Variants in SYNE1 observed in about 807,000 individuals in gnomAD.
SYNE1 encodes the protein spectrin repeat containing nuclear envelope protein 1.
In SYNE1, 616 loss-of-function variants were observed where a neutral mutation model predicts 1,111.0. The observed-to-expected ratio is 0.55, with a 90% CI of 0.52 to 0.59. The LOEUF is 0.59. SYNE1 is among the 20% of genes least tolerant of loss of function. The pLI is 0.00. For synonymous variants in SYNE1, 3,855 were observed against 3,825.8 expected (o/e 1.01, Z -0.28); for missense variants, 10,006 against 10,417.0 (o/e 0.96, Z 1.72).
chr6:152,555,993 C>A (rs924392551), intron 3 of SYNE1, among the ~76,000 whole-genome samples: 1 of 152,116 alleles, frequency 6.6e-6, no homozygotes, highest in East Asian at 1.9e-4. Flanking sequence ...CAGAGGCAAA[C>A]TTGAGTGCAT....
chr6:152,416,425 C>T lies in SYNE1; in HGVS notation c.6012G>A (p.Glu2004=), dbSNP rs779398270. The change falls in exon 41 of 146, where the codon GAG becomes GAA. Residue 2004 remains glutamate, a synonymous_variant. Transcript: ENST00000367255. ...IEDIEERTDK[E]RLKEPTRQAL... is the part of the protein sequence containing the mutation. ...CTTGGCGGGTAGGTTCTTTCAATCG[C>T]TCTTTGTCAGTCCTTTCTTCAATGT... The T allele has an allele frequency of 3.7e-6, 6 of 1,614,160 alleles. No individual in the cohort carries two copies. Among genetic ancestry groups the T allele is most frequent in the Non-Finnish European group, 4.2e-6 (5 of 1,180,040 alleles).
Position 152,455,836 on chromosome 6 carries a change from ACT to A in SYNE1, c.2727+48_2727+49del, listed in dbSNP as rs748337606. 9 of 1,612,742 alleles carry A rather than the reference ACT, an allele frequency of 5.6e-6. No homozygotes were observed. The Admixed American group carries it at 1.5e-4, about 27-fold the overall frequency. On this transcript the variant is annotated intron_variant, in intron 23 of 145. Transcript: ENST00000367255. The stretch of plus-strand genomic sequence containing the variant: ...GCACGAGTGATGGTTTCTTGTCCTC[ACT>A]CTGCATTTTCCCTGGCTCACAGCTC...
rs577421230 is a variant in SYNE1 at position 152,572,493 on chromosome 6, G to T, written c.68-32472C>A. Among the ~76,000 whole-genome samples the T allele has an allele frequency of 2.0e-5, 3 of 152,096 alleles. No homozygotes were observed. In the South Asian group the frequency reaches 6.2e-4, roughly 32 times the overall value. On this transcript the variant is annotated intron_variant, in intron 3 of 145. Coordinates refer to ENST00000367255, the MANE Select transcript of SYNE1 (RefSeq NM_182961.4). ...TTCAAAGCCAATAAACAGAATAAGG[G>T]GACTCCCAGAATAATAGATTTCTAG... is the stretch of plus-strand genomic sequence containing the variant.
intron 12 of SYNE1, among the ~76,000 whole-genome samples, chr6:152,487,442 T>G (rs978852563): frequency 1.3e-5 from 2 of 152,214 alleles, no homozygotes; most frequent in African/African-American, 4.8e-5. Flanking sequence ...ATTTCTCCAG[T>G]CTACATTGAT....
At chr6:152,598,182 G>T (rs2099587136) in intron 3 of SYNE1, among the ~76,000 whole-genome samples, 1 of 152,074 alleles carries the variant, frequency 6.6e-6, no homozygotes, top group Non-Finnish European at 1.5e-5. Context: ...GGACCCGGTG[G>T]GAGGTAATTG....
intron 15 of SYNE1, 105 bp downstream of exon 15, chr6:152,472,196 A>G: frequency 1.2e-6 from 1 of 820,688 alleles, no homozygotes; most frequent in Non-Finnish European, 2.0e-6. Context: ...TACCAAAGGT[A>G]GGCGCCTCTG....
chr6:152,143,496 G>T, intron 138 of SYNE1, 127 bp downstream of exon 138: 2 of 1,386,150 alleles, frequency 1.4e-6, no homozygotes, highest in Non-Finnish European at 2.0e-6. Flanking sequence ...GCACATCCAG[G>T]TTCACGAGTT....
At chr6:152,498,050 T>TA (rs2099009346) in intron 11 of SYNE1, among the ~76,000 whole-genome samples, 2 of 152,188 alleles carry the variant, frequency 1.3e-5, no homozygotes, top group Non-Finnish European at 2.9e-5. Context: ...GCATGATATT[T>TA]AAAAAATTTA....
In SYNE1 at chr6:152,404,243, A is replaced by G. The variant is rs2154157073; in HGVS notation, c.6795T>C (p.Thr2265=). 3 of 1,613,124 alleles carry G rather than the reference A, an allele frequency of 1.9e-6. No individual in the cohort carries two copies. The highest frequency in any genetic ancestry group is 2.5e-6 in the Non-Finnish European group (3 of 1,179,708). Reference sequence around the variant, plus strand: ...GGTCTGGCGGTGTTTCTAGATTTTTAGTTAATTCTTTCAGATCATTAACTT... The same window carrying G: ...GGTCTGGCGGTGTTTCTAGATTTTTGGTTAATTCTTTCAGATCATTAACTT... The part of the protein sequence containing the change: ...HSKVNDLKEL[T]KNLETPPDLQ... Residue 2265 remains threonine, a synonymous_variant, in exon 46 of 146, where the codon ACT becomes ACC. Transcript: ENST00000367255.
intron 63 of SYNE1, 101 bp downstream of exon 63, chr6:152,364,746 G>T (rs2097031771): frequency 8.6e-7 from 1 of 1,168,272 alleles, no homozygotes; most frequent in Admixed American, 2.0e-5. Flanking sequence ...GGAAAGGAAA[G>T]GGAAGGGAAG....
chr6:152,163,263 C>G (rs2062900896), intron 131 of SYNE1, among the ~76,000 whole-genome samples: 1 of 152,028 alleles, frequency 6.6e-6, no homozygotes, highest in Admixed American at 6.5e-5. Context: ...TTTGTGAGGC[C>G]GAGGGTGGGC....
chr6:152,302,237 G>A (rs964824581), intron 91 of SYNE1, 174 bp from the exon 92 acceptor site: 7 of 852,392 alleles, frequency 8.2e-6, no homozygotes, highest in African/African-American at 3.4e-5. Context: ...CCAGACCGCA[G>A]GCTGCGCGGC....
In SYNE1 at chr6:152,588,533, G is replaced by A. The variant is rs144670171; in HGVS notation, c.67+39732C>T. 3.5e-3 allele frequency among the ~76,000 whole-genome samples: 540 copies of A among 152,302 alleles called. 5 individuals are homozygous for A. The highest frequency in any genetic ancestry group is 0.012 in the African/African-American group (515 of 41,564). ...AGTAGCTAACTAGGTTCTAGGACAA[G>A]CAATGTCAAGAATAGACTTGCAGAA... On this transcript the variant is annotated intron_variant, in intron 3 of 145. Transcript: ENST00000367255.
intron 105 of SYNE1, 41 bp from the exon 106 acceptor site, chr6:152,244,697 C>G (rs376514769): frequency 4.8e-5 from 78 of 1,612,682 alleles, no homozygotes; most frequent in Non-Finnish European, 6.4e-5. Flanking sequence ...CTCCCATGAA[C>G]AATTTCCCCA....
chr6:152,141,079 A>T (rs748744431), intron 139 of SYNE1, 124 bp downstream of exon 139: 8 of 1,368,720 alleles, frequency 5.8e-6, no homozygotes, highest in Non-Finnish European at 7.2e-6. Context: ...ATAACTTGGA[A>T]GGAAGTTCTC....
At chr6:152,609,765 G>C (rs990302959) in intron 3 of SYNE1, among the ~76,000 whole-genome samples, 1 of 152,176 alleles carries the variant, frequency 6.6e-6, no homozygotes, top group Non-Finnish European at 1.5e-5. Flanking sequence ...TGGGGATGAA[G>C]TTTCCAGGGG....
At chr6:152,405,494 C>G (rs532631268) in intron 45 of SYNE1, among the ~76,000 whole-genome samples, 3 of 152,258 alleles carry the variant, frequency 2.0e-5, no homozygotes, top group Admixed American at 6.5e-5. Flanking sequence ...GCCTACGTAA[C>G]AGTAGTGATA....
chr6:152,235,072 G>A (rs2083688636), intron 110 of SYNE1, among the ~76,000 whole-genome samples: 1 of 152,040 alleles, frequency 6.6e-6, no homozygotes, highest in African/African-American at 2.4e-5. Flanking sequence ...ATTAGATGAT[G>A]GTTACAAAAA....
chr6:152,536,787 C>T (rs1487694501), intron 4 of SYNE1, among the ~76,000 whole-genome samples: 1 of 151,936 alleles, frequency 6.6e-6, no homozygotes. Flanking sequence ...CTATCAAGTC[C>T]ACTCCTAAAC....
Sources: allele counts gnomAD v4.1 joint callset (sites outside exome capture counted in the v4.1 genomes callset), GRCh38; gene constraint gnomAD v4.1.1; transcripts MANE v1.5; gene names NCBI Gene and HGNC (gene_info 2026-07-23, HGNC 2026-07-21).